MYO1C: variants seen among roughly 807,000 people sequenced by gnomAD.
The protein encoded by MYO1C is unconventional myosin-Ic.
A neutral mutation model predicts 150.8 loss-of-function variants in MYO1C; 104 were observed. That is an observed-to-expected ratio of 0.69 (90% CI 0.59 to 0.81). The LOEUF (loss-of-function observed/expected upper bound fraction) is 0.81, where lower values mean the gene tolerates loss of function less well. MYO1C is among the 30% of genes least tolerant of loss of function. The pLI, the probability that MYO1C is intolerant of heterozygous loss-of-function variation, is 0.00. For synonymous variants in MYO1C, 663 were observed against 579.9 expected, an observed-to-expected ratio of 1.14 and a Z score of -2.06; for missense variants, 1,504 against 1,435.0, an observed-to-expected ratio of 1.05 and a Z score of -0.78.
chr17:1,477,624 C>G, intron 13 of MYO1C, 28 bp from the exon 14 acceptor site: 3 of 1,558,024 alleles, frequency 1.9e-6, no homozygotes, highest in Non-Finnish European at 2.7e-6. Flanking sequence ...GGGGGAAGGA[C>G]GTATGGGGGA....
At chr17:1,470,966 G>A (rs988332927) in intron 21 of MYO1C, 105 bp downstream of exon 21, 4 of 1,276,314 alleles carry the variant, frequency 3.1e-6, no homozygotes, top group Non-Finnish European at 4.5e-6. Flanking sequence ...TGGGGCTGGA[G>A]CTGATAGGGA....
rs748454061 is a variant in MYO1C, at chr17:1,474,701, A to G, written c.1717-11T>C. ...TGAGCTACACATGGTCTGTGTGGGC[A>G]GAGCCGGGGTCAGGGTGGGGCACAG... is the stretch of plus-strand genomic sequence containing the variant. On this transcript the variant is annotated splice_polypyrimidine_tract_variant and intron_variant, in intron 16 of 31. Coordinates refer to ENST00000648651, the MANE Select transcript of MYO1C (RefSeq NM_001080779.2). The G allele has an allele frequency of 5.6e-6, 9 of 1,613,908 alleles. No homozygotes were observed. The African/African-American group carries it at 9.3e-5, about 17-fold the overall frequency.
At chr17:1,468,896 A>C in intron 25 of MYO1C, 2 of 337,854 alleles carry the variant, frequency 5.9e-6, no homozygotes, top group Non-Finnish European at 1.1e-5. Context: ...ACATCAACCA[A>C]TGCCTGTAAT....
At chr17:1,484,712 T>G (rs936754265) in intron 1 of MYO1C, 5 of 377,816 alleles carry the variant, frequency 1.3e-5, no homozygotes, top group Non-Finnish European at 2.6e-5. Flanking sequence ...CTGTTGAGCT[T>G]GGACCAATCC....
At chr17:1,477,833 G>C in intron 13 of MYO1C, 58 bp downstream of exon 13, 1 of 1,485,812 alleles carries the variant, frequency 6.7e-7, no homozygotes, top group Non-Finnish European at 9.4e-7. Context: ...GAACGGAGAA[G>C]GGGGACATCC....
In MYO1C at chr17:1,478,488, A is replaced by G. The variant is rs975773859; in HGVS notation, c.1217T>C (p.Val406Ala). The change falls in exon 11 of 32, where the codon GTG (valine) becomes GCG (alanine). Residue 406 changes from valine (V) to alanine (A), a missense_variant. By Grantham distance (64) the Val-to-Ala change is moderately conservative. Transcript: ENST00000648651. This position sits in a 1 kb window ranked among gnomAD's most constrained non-coding sequence, Gnocchi z 6.3. ...KINRSLASKD[V>A]ESPSWRSTTV... ...GGTGCTCCGCCAGCTGGGGCTCTCC[A>G]CGTCCTAGGGCAGTCATTCAACCGA... 1.9e-6 allele frequency: 3 copies of G among 1,614,098 alleles called. No individual in the cohort carries two copies. Among genetic ancestry groups the G allele is most frequent in the Non-Finnish European group, 2.5e-6 (3 of 1,179,996 alleles).
Position 1,478,297 on chromosome 17 carries a change from GAC to G in MYO1C, c.1296-107_1296-106del, listed in dbSNP as rs1030011793. ...GAGCACAGGAGGTGAGAAACACAGA[GAC>G]AGTCCCCGGCTGGCTGGGGAGTCAC... is the stretch of plus-strand genomic sequence containing the variant. On this transcript the variant is annotated intron_variant, in intron 11 of 31. Transcript: ENST00000648651. The surrounding 1 kb of genome is among the most constrained non-coding windows in gnomAD (Gnocchi z 6.3). 117 of 1,556,736 alleles carry G rather than the reference GAC, an allele frequency of 7.5e-5. No homozygotes were observed. In the African/African-American group the frequency reaches 1.5e-3, roughly 20 times the overall value.
chr17:1,471,856 C>G, intron 19 of MYO1C, 51 bp downstream of exon 19: 1 of 1,571,382 alleles, frequency 6.4e-7, no homozygotes, highest in Non-Finnish European at 8.8e-7. Context: ...GACCTAGGGG[C>G]TCCTACCCTC....
rs781193313 is a variant in MYO1C at position 1,471,257 on chromosome 17, G to A, written c.2101C>T (p.Leu701=). 3.1e-6 allele frequency: 5 copies of A among 1,613,984 alleles called. No individual in the cohort carries two copies. In the South Asian group the frequency reaches 3.3e-5, roughly 11 times the overall value. ...TTGTACTCTTCTGGCTTGTAGCCCA[G>A]GTGTCGGACCAGCACAGCCACCCCA... ...QDGVAVLVRH[L]GYKPEEYKMG... The change falls in exon 20 of 32, where the codon CTG becomes TTG. Residue 701 remains leucine (L), a synonymous_variant. Coordinates refer to ENST00000648651, the MANE Select transcript of MYO1C (RefSeq NM_001080779.2).
chr17:1,468,948 T>C (rs1037082531), intron 25 of MYO1C: 9 of 296,672 alleles, frequency 3.0e-5, no homozygotes, highest in Non-Finnish European at 5.3e-5. Context: ...AGACGCAGAC[T>C]TTTCAACACA....
Position 1,479,120 on chromosome 17 carries a change from G to A in MYO1C, c.1092+311C>T, listed in dbSNP as rs551140191. ...AGCGATTCTCCTGCCTCAGCCTCCCGAGTAGCTGGGATTACAGGCGCCCGC... is the reference window on the plus strand; with the variant it reads ...AGCGATTCTCCTGCCTCAGCCTCCCAAGTAGCTGGGATTACAGGCGCCCGC... On this transcript the variant is annotated intron_variant, in intron 9 of 31. Transcript: ENST00000648651. The surrounding 1 kb of genome is among the most constrained non-coding windows in gnomAD (Gnocchi z 4.2). Among the ~76,000 whole-genome samples, 10 of 152,118 alleles carry A rather than the reference G, an allele frequency of 6.6e-5. 1 individual carries two copies. In the South Asian group the frequency reaches 1.9e-3, roughly 28 times the overall value.
At chr17:1,469,084 G>A (rs950914694) in intron 25 of MYO1C, 2 of 309,900 alleles carry the variant, frequency 6.5e-6, no homozygotes, top group Non-Finnish European at 1.3e-5. Context: ...ATCCAACTGA[G>A]GTCACCGGTA....
In MYO1C at chr17:1,478,777, C is replaced by G. The variant is rs1438074413; in HGVS notation, c.1093-42G>C. 6.2e-7 allele frequency: 1 copy of G among 1,609,680 alleles called. No homozygotes were observed. The highest frequency in any genetic ancestry group is 8.5e-7 in the Non-Finnish European group (1 of 1,179,948). On this transcript the variant is annotated intron_variant, in intron 9 of 31. Coordinates refer to ENST00000648651, the MANE Select transcript of MYO1C (RefSeq NM_001080779.2). This position sits in a 1 kb window ranked among gnomAD's most constrained non-coding sequence, Gnocchi z 6.3. ...AGACAAGGAGATGAATGCCACAGAG[C>G]CTGTGCATCCCACCTGCTCCCAGGC...
rs370093498 is a variant in MYO1C, at chr17:1,468,161, G to A, written c.2761-38C>T. 18 of 1,611,716 alleles carry A rather than the reference G, an allele frequency of 1.1e-5. No individual in the cohort carries two copies. In the African/African-American group the frequency reaches 2.4e-4, roughly 22 times the overall value. On this transcript the variant is annotated intron_variant, in intron 27 of 31. Coordinates refer to ENST00000648651, the MANE Select transcript of MYO1C (RefSeq NM_001080779.2). ...GCCAGGCTGAAGGGGCTGGGGAGAG[G>A]CTCCCAAGGCTCCGCCCCTGCCCTG...
chr17:1,468,362 T>C (rs890216261), intron 26 of MYO1C, 41 bp downstream of exon 26: 8 of 1,613,478 alleles, frequency 5.0e-6, no homozygotes, highest in Non-Finnish European at 6.8e-6. Context: ...GGGACCAGGA[T>C]GGTGACGAAA....
intron 14 of MYO1C, among the ~76,000 whole-genome samples, chr17:1,475,842 G>A (rs11871599): frequency 0.013 from 1,945 of 152,320 alleles, 34 homozygotes; most frequent in African/African-American, 0.037. Flanking sequence ...GGGTGAGAGA[G>A]GGGAGTATCT....
intron 13 of MYO1C, 77 bp from the exon 14 acceptor site, chr17:1,477,673 G>T: frequency 1.6e-6 from 2 of 1,222,498 alleles, no homozygotes; most frequent in Non-Finnish European, 1.2e-6. Flanking sequence ...CACCGTGCTG[G>T]GAGGCACAGA....
Position 1,471,247 on chromosome 17 carries a change from T to G in MYO1C, c.2111A>C (p.Lys704Thr). ...VAVLVRHLGY[K>T]PEEYKMGRTK... ...CCTGCCCATCTTGTACTCTTCTGGC[T>G]TGTAGCCCAGGTGTCGGACCAGCAC... is the stretch of plus-strand genomic sequence containing the variant. Residue 704 changes from lysine to threonine, a missense_variant, in exon 20 of 32, where the codon AAG (lysine) becomes ACG (threonine). Lys to Thr is a moderately conservative substitution (Grantham distance 78). Transcript: ENST00000648651. 6.2e-7 allele frequency: 1 copy of G among 1,613,996 alleles called. No individual in the cohort carries two copies. Among genetic ancestry groups the G allele is most frequent in the Non-Finnish European group, 8.5e-7 (1 of 1,179,996 alleles).
At position 1,481,543 on chromosome 17, in the gene MYO1C, C is replaced by G. The variant is rs184442558; in HGVS notation, c.628-658G>C. Reference sequence around the variant, plus strand: ...TTGGAGACAGGGTCTTGCTTTCACCCAGGCTGGAGTGCAGTAGTGCAATCA... The same window carrying G: ...TTGGAGACAGGGTCTTGCTTTCACCGAGGCTGGAGTGCAGTAGTGCAATCA... On this transcript the variant is annotated intron_variant, in intron 5 of 31. Coordinates refer to ENST00000648651, the MANE Select transcript of MYO1C (RefSeq NM_001080779.2). Among the ~76,000 whole-genome samples, 10 of 152,232 alleles carry G rather than the reference C, an allele frequency of 6.6e-5. No individual in the cohort carries two copies. In the East Asian group the frequency reaches 1.9e-3, roughly 29 times the overall value.
Sources: allele counts gnomAD v4.1 joint callset (sites outside exome capture counted in the v4.1 genomes callset), GRCh38; gene constraint gnomAD v4.1.1; non-coding constraint Gnocchi (gnomAD v3.1); transcripts MANE v1.5; gene names NCBI Gene and HGNC (gene_info 2026-07-23, HGNC 2026-07-21).